The following ABCD3 variants were observed in gnomAD, a reference collection of about 807,000 sequenced individuals.
ABCD3 encodes the protein ATP-binding cassette sub-family D member 3.
A neutral mutation model predicts 105.5 loss-of-function variants in ABCD3; 41 were observed. That is an observed-to-expected ratio of 0.39 (90% CI 0.30 to 0.50). The LOEUF (loss-of-function observed/expected upper bound fraction) is 0.50. ABCD3 is among the 20% of genes least tolerant of loss of function. The pLI, the probability that ABCD3 is intolerant of heterozygous loss-of-function variation, is 0.84. For synonymous variants in ABCD3, 258 were observed against 269.0 expected (o/e 0.96, Z 0.40); for missense variants, 622 against 806.3 (o/e 0.77, Z 2.77).
intron 20 of ABCD3, among the ~76,000 whole-genome samples, chr1:94,504,786 A>C (rs1650270093): frequency 6.6e-6 from 1 of 152,158 alleles, no homozygotes; most frequent in Non-Finnish European, 1.5e-5. Context: ...AGTGGACTGG[A>C]GAGGAGCAGC....
At chr1:94,391,417 A>G in the ABCD3 span, among the ~76,000 whole-genome samples, 8 of 152,178 alleles carry the variant, frequency 5.3e-5, no homozygotes, top group Non-Finnish European at 8.8e-5. Flanking sequence ...CTTCAGGGTC[A>G]AGGCATATTG....
chr1:94,486,894 A>G (rs916840828), intron 10 of ABCD3, among the ~76,000 whole-genome samples: 11 of 152,222 alleles, frequency 7.2e-5, no homozygotes, highest in African/African-American at 2.4e-4. Context: ...TGACCTTAAA[A>G]ATAGAGCTCA....
At chr1:94,493,656 C>T (rs1435127729) in intron 16 of ABCD3, among the ~76,000 whole-genome samples, 4 of 151,716 alleles carry the variant, frequency 2.6e-5, no homozygotes, top group East Asian at 1.9e-4. Context: ...ATGTTTATTG[C>T]GGCACTATTC....
At chr1:94,445,945 C>CT (rs1660329035) in intron 1 of ABCD3, among the ~76,000 whole-genome samples, 2 of 152,144 alleles carry the variant, frequency 1.3e-5, no homozygotes, top group Admixed American at 6.5e-5. Context: ...CCTAAGGCTA[C>CT]TCTGCTAGCC....
chr1:94,418,668 C>T (rs1659123806), intron 1 of ABCD3, 80 bp downstream of exon 1: 3 of 1,443,042 alleles, frequency 2.1e-6, no homozygotes, highest in Non-Finnish European at 2.8e-6. Flanking sequence ...ACCCGGCCGA[C>T]AGGTCTCTTT....
chr1:94,509,137 C>T (rs1458229497), intron 21 of ABCD3, among the ~76,000 whole-genome samples: 1 of 152,122 alleles, frequency 6.6e-6, no homozygotes, highest in Non-Finnish European at 1.5e-5. Flanking sequence ...ATAGATAGCT[C>T]TTATTATTTT....
At chr1:94,450,604 G>T (rs2100937926) in intron 1 of ABCD3, among the ~76,000 whole-genome samples, 1 of 152,360 alleles carries the variant, frequency 6.6e-6, no homozygotes, top group Admixed American at 6.5e-5. Context: ...TTAATCTATA[G>T]AAACAATGCT....
chr1:94,393,295 G>A, the ABCD3 span, among the ~76,000 whole-genome samples: 5 of 152,060 alleles, frequency 3.3e-5, no homozygotes, highest in Admixed American at 6.5e-5. Flanking sequence ...GAAAGAGGAG[G>A]AGAAAGGGGG....
chr1:94,466,428 A>G lies in ABCD3; in HGVS notation c.247-1491A>G, dbSNP rs772045529. Among the ~76,000 whole-genome samples the G allele has an allele frequency of 6.4e-4, 97 of 152,222 alleles. No individual in the cohort carries two copies. The Middle Eastern group carries it at 0.017, about 27-fold the overall frequency. On this transcript the variant is annotated intron_variant, in intron 3 of 22. Coordinates refer to ENST00000370214, the MANE Select transcript of ABCD3 (RefSeq NM_002858.4). ...AATTTGTATTCTTTCTTAAAATCCT[A>G]ATCAAAACATGTAACTTCATTTTCC...
intron 1 of ABCD3, among the ~76,000 whole-genome samples, chr1:94,436,750 G>T (rs1292110650): frequency 3.3e-5 from 5 of 152,136 alleles, no homozygotes; most frequent in Admixed American, 6.5e-5. Context: ...GGACATCTTT[G>T]TTGTTACTAT....
rs1292393825 is a variant in ABCD3 at position 94,455,749 on chromosome 1, T to TG, written c.111-2856dup. On this transcript the variant is annotated intron_variant, in intron 1 of 22. Coordinates refer to ENST00000370214, the MANE Select transcript of ABCD3 (RefSeq NM_002858.4). ...CTGAACAAGGTATTTCATGGAAACT[T>TG]GGAGAGAGAAAAGTGATGAAGTGAT... 9.3e-6 allele frequency: 9 copies of TG among 969,520 alleles called. No individual in the cohort carries two copies. In the East Asian group the frequency reaches 4.8e-4, roughly 52 times the overall value. The allele number at this position is 969,520 out of a possible 1,614,324, so 60.1% of individuals were successfully genotyped here. A position where few individuals can be genotyped will look rare whatever the true frequency, so the allele number is the denominator to read the frequency against.
chr1:94,466,541 C>T (rs1648144408), intron 3 of ABCD3, among the ~76,000 whole-genome samples: 1 of 152,164 alleles, frequency 6.6e-6, no homozygotes, highest in Non-Finnish European at 1.5e-5. Context: ...GCCCTATGTC[C>T]TCAGCCTTTC....
chr1:94,481,678 T>G (rs892245311), intron 9 of ABCD3: 4 of 152,236 alleles, frequency 2.6e-5, no homozygotes, highest in African/African-American at 7.2e-5. Context: ...AGTTACAGAT[T>G]TCACTAGCTC....
At chr1:94,516,613 A>G (rs1650933467) in intron 22 of ABCD3, among the ~76,000 whole-genome samples, 2 of 151,922 alleles carry the variant, frequency 1.3e-5, no homozygotes, top group Admixed American at 6.6e-5. Context: ...GGGCCAGGAT[A>G]GCTAAGAAAT....
At chr1:94,467,354 T>A (rs1349164415) in intron 3 of ABCD3, among the ~76,000 whole-genome samples, 1 of 152,200 alleles carries the variant, frequency 6.6e-6, no homozygotes, top group Non-Finnish European at 1.5e-5. Context: ...GATACAAATA[T>A]GTTTGCCTAA....
intron 21 of ABCD3, chr1:94,513,739 T>A (rs1650795149): frequency 6.6e-6 from 1 of 152,052 alleles, no homozygotes; most frequent in South Asian, 2.1e-4. Flanking sequence ...ATTTTTTATA[T>A]CCTCATGTAA....
chr1:94,512,451 GAT>G (rs1650724017), intron 21 of ABCD3, among the ~76,000 whole-genome samples: 1 of 151,574 alleles, frequency 6.6e-6, no homozygotes, highest in African/African-American at 2.4e-5. Flanking sequence ...AAAGATAAAA[GAT>G]ATAAAAGATA....
chr1:94,473,830 C>A lies in ABCD3; in HGVS notation c.400C>A (p.Pro134Thr). 6.2e-7 allele frequency: 1 copy of A among 1,611,314 alleles called. No individual in the cohort carries two copies. The highest frequency in any genetic ancestry group is 1.3e-5 in the African/African-American group (1 of 74,640). Residue 134 changes from proline to threonine, a missense_variant, in exon 5 of 23, where the codon CCT (proline) becomes ACT (threonine). Physicochemically the swap from Pro to Thr is conservative, Grantham distance 38. This residue lies in a region of ABCD3 where 245 missense variants were observed against 356.4 expected (regional missense o/e 0.69). Coordinates refer to ENST00000370214, the MANE Select transcript of ABCD3 (RefSeq NM_002858.4). ...RYLLNFIAAM[P>T]LISLVNNFLK... ...CTTACTCAACTTCATCGCTGCCATGCCTCTTGTAAGTTTAATTCATTAAAA... is the reference window on the plus strand; with the variant it reads ...CTTACTCAACTTCATCGCTGCCATGACTCTTGTAAGTTTAATTCATTAAAA...
chr1:94,445,590 C>A (rs1252865160), intron 1 of ABCD3, among the ~76,000 whole-genome samples: 1 of 152,210 alleles, frequency 6.6e-6, no homozygotes, highest in Admixed American at 6.5e-5. Context: ...CATCCCTACC[C>A]TCCTGCACCC....
Sources: allele counts gnomAD v4.1 joint callset (sites outside exome capture counted in the v4.1 genomes callset), GRCh38; gene constraint gnomAD v4.1.1; regional missense constraint gnomAD v4.1.1; transcripts MANE v1.5; gene names NCBI Gene and HGNC (gene_info 2026-07-23, HGNC 2026-07-21).